Variants in CCDC187 observed in about 807,000 individuals in gnomAD.
The protein encoded by CCDC187 is coiled-coil domain-containing protein 187.
CCDC187 carries 32 observed loss-of-function variants against 38.0 expected under a neutral mutation model. That is an observed-to-expected ratio of 0.84 (90% CI 0.64 to 1.13). The LOEUF (loss-of-function observed/expected upper bound fraction) is 1.13. Ranked by LOEUF, CCDC187 falls within the 50% of genes most tolerant of loss-of-function variation. The probability of loss-of-function intolerance (pLI) is 0.00; values close to 1 mark genes in which losing one functional copy is unlikely to be tolerated. For missense variants in CCDC187, 707 were observed against 786.8 expected (o/e 0.90, Z 1.21); for synonymous variants, 333 against 347.9 (o/e 0.96, Z 0.48).
intron 14 of CCDC187, among the ~76,000 whole-genome samples, chr9:136,269,633 T>C (rs782689281): frequency 1.3e-4 from 20 of 151,394 alleles, no homozygotes; most frequent in Admixed American, 3.9e-4. Context: ...GGCAACAGAG[T>C]GAGACTGTCT....
intron 4 of CCDC187, among the ~76,000 whole-genome samples, chr9:136,292,875 G>A (rs1831369858): frequency 6.6e-6 from 1 of 152,212 alleles, no homozygotes; most frequent in South Asian, 2.1e-4. Context: ...GGAGTCCCGG[G>A]CATCGCTGCA....
chr9:136,289,652 C>T (rs1244842352), intron 7 of CCDC187, among the ~76,000 whole-genome samples: 15 of 152,134 alleles, frequency 9.9e-5, no homozygotes, highest in African/African-American at 1.2e-4. Flanking sequence ...TGGAATGTTC[C>T]GGAACTCAGT....
At chr9:136,271,507 C>T (rs782427064) in intron 14 of CCDC187, among the ~76,000 whole-genome samples, 3 of 151,248 alleles carry the variant, frequency 2.0e-5, no homozygotes, top group Admixed American at 6.6e-5. Flanking sequence ...GGCAACAGAG[C>T]GAGACTCTGT....
Position 136,267,429 on chromosome 9 carries a change from T to C in CCDC187, c.3602A>G (p.Gln1201Arg), listed in dbSNP as rs1464655542. The C allele has an allele frequency of 3.0e-6, 3 of 985,394 alleles. No individual in the cohort carries two copies. Among genetic ancestry groups the C allele is most frequent in the Non-Finnish European group, 3.6e-6 (3 of 829,984 alleles). 61.0% of individuals were successfully genotyped at this position (985,394 alleles called of 1,614,324 possible). A position where few individuals can be genotyped will look rare whatever the true frequency, so the allele number is the denominator to read the frequency against. The change falls in exon 16 of 26, where the codon CAG becomes CGG. Residue 1201 changes from glutamine (Q) to arginine (R), a missense_variant. By Grantham distance (43) the Gln-to-Arg change is conservative (BLOSUM62 1). Coordinates refer to ENST00000638797, the MANE Select transcript of CCDC187 (RefSeq NM_001378188.1). ...GGCCAGCTCCGCGAGCGTTTTCTCC[T>C]GGAGCGCCATCTCTCGCAGGCGCAG... ...ALLRLREMAL[Q>R]EKTLAELAWL...
intron 17 of CCDC187, 117 bp from the exon 18 acceptor site, chr9:136,263,915 C>T (rs1009873959): frequency 4.1e-6 from 3 of 735,182 alleles, no homozygotes; most frequent in South Asian, 1.2e-4. Flanking sequence ...GGAGGCCTCC[C>T]TTTCCCTCCA....
At position 136,260,668 on chromosome 9, in the gene CCDC187, C is replaced by T. The variant is rs535417165; in HGVS notation, c.4065-404G>A. ...CTCAGGTGCCTGCCCGGCGACACGT[C>T]GTCTGCCTCCCTTTCTCCCCCGGGC... On this transcript the variant is annotated intron_variant, in intron 19 of 25. Coordinates refer to ENST00000638797, the MANE Select transcript of CCDC187 (RefSeq NM_001378188.1). Among the ~76,000 whole-genome samples, 77 of 152,244 alleles carry T rather than the reference C, an allele frequency of 5.1e-4. 1 individual carries two copies. In the South Asian group the frequency reaches 0.015, roughly 30 times the overall value.
At chr9:136,262,550 TGTGGCA>T in intron 18 of CCDC187, 88 bp from the exon 19 acceptor site, 1 of 974,372 alleles carries the variant, frequency 1.0e-6, no homozygotes, top group Middle Eastern at 5.2e-4. Flanking sequence ...TGGCTGTGGC[TGTGGCA>T]GGGCTAGGGC....
intron 10 of CCDC187, among the ~76,000 whole-genome samples, chr9:136,277,538 T>G (rs1428741216): frequency 4.6e-5 from 7 of 151,166 alleles, no homozygotes; most frequent in Admixed American, 2.0e-4. Context: ...GGGTGGGTGC[T>G]GATGTAAGCA....
Position 136,302,865 on chromosome 9 carries a change from AG to A in CCDC187, c.571del (p.Arg192GlyfsTer22). 1 of 398,612 alleles carries A rather than the reference AG, an allele frequency of 2.5e-6. No individual in the cohort carries two copies. Among genetic ancestry groups the A allele is most frequent in the Non-Finnish European group, 4.4e-6 (1 of 226,130 alleles). The allele number at this position is 398,612 out of a possible 1,614,324, so 24.7% of individuals were successfully genotyped here. On this transcript the variant is annotated frameshift_variant, in exon 2 of 26. Transcript: ENST00000638797. LOFTEE classifies it high-confidence loss of function. ...TTTTGCCTCTTGGCCTTTCCTCCTA[AG>A]CATCAGCGTGGAGGCTTTGTGGAGT... ...SRLHKASTLM[L>X]RRKGQEAKNP...
Position 136,255,734 on chromosome 9 carries a change from C to T in CCDC187, c.4617-1G>A. On this transcript the variant is annotated splice_acceptor_variant, in intron 24 of 25. Transcript: ENST00000638797. LOFTEE classifies it high-confidence loss of function. ...GACCTCCTGCTGACAGGCCTCCGTC[C>T]TGCAAGCACATTCGTGGAGAACCCT... The T allele has an allele frequency of 1.0e-6, 1 of 985,482 alleles. No homozygotes were observed. Among genetic ancestry groups the T allele is most frequent in the Non-Finnish European group, 1.2e-6 (1 of 829,926 alleles). The allele number at this position is 985,482 out of a possible 1,614,324, so 61.0% of individuals were successfully genotyped here. A position where few individuals can be genotyped will look rare whatever the true frequency, so the allele number is the denominator to read the frequency against.
chr9:136,292,430 C>G lies in CCDC187; in HGVS notation c.833-135G>C, dbSNP rs1588669851. 18 of 396,296 alleles carry G rather than the reference C, an allele frequency of 4.5e-5. No homozygotes were observed. In the East Asian group the frequency reaches 6.4e-4, roughly 14 times the overall value. The allele number at this position is 396,296 out of a possible 1,614,324, so 24.5% of individuals were successfully genotyped here. On this transcript the variant is annotated intron_variant, in intron 4 of 25. Coordinates refer to ENST00000638797, the MANE Select transcript of CCDC187 (RefSeq NM_001378188.1). ...CCCAGAAGGCACCGGGAGGATATCC[C>G]TCATGTCCAGGCCCCTGTTGGGCAG...
intron 14 of CCDC187, among the ~76,000 whole-genome samples, chr9:136,274,235 G>A (rs933926569): frequency 1.3e-5 from 2 of 152,208 alleles, no homozygotes; most frequent in Non-Finnish European, 2.9e-5. Flanking sequence ...CCTCTGTCCC[G>A]GAGCAAGGCC....
intron 10 of CCDC187, among the ~76,000 whole-genome samples, chr9:136,280,596 G>A (rs1255300111): frequency 6.6e-6 from 1 of 151,926 alleles, no homozygotes; most frequent in Non-Finnish European, 1.5e-5. Context: ...TGGCTCCAGG[G>A]CCCTGGGTGG....
intron 10 of CCDC187, among the ~76,000 whole-genome samples, chr9:136,278,217 GA>G (rs1364791321): frequency 5.3e-5 from 8 of 152,256 alleles, no homozygotes; most frequent in Non-Finnish European, 1.0e-4. Context: ...TGAAGCCAGA[GA>G]AGGGTCCCCA....
intron 18 of CCDC187, 96 bp downstream of exon 18, chr9:136,263,526 G>A (rs940035197): frequency 9.9e-6 from 9 of 907,900 alleles, no homozygotes; most frequent in African/African-American, 3.6e-5. Context: ...GAGACACCGC[G>A]CCCGGCCCAC....
In CCDC187 at chr9:136,290,565, A is replaced by G; in HGVS notation, c.2048T>C (p.Val683Ala). 1 of 398,998 alleles carries G rather than the reference A, an allele frequency of 2.5e-6. No homozygotes were observed. Among genetic ancestry groups the G allele is most frequent in the East Asian group, 3.6e-5 (1 of 28,080 alleles). 24.7% of individuals were successfully genotyped at this position (398,998 alleles called of 1,614,324 possible). ...QEVYRQQREA[V>A]LGRAVPVVSR... ...GACCACGGGGACCGCCCTGCCGAGG[A>G]CGGCCTCCCTCTGCTGCCGGTAGAC... is the stretch of plus-strand genomic sequence containing the variant. The change falls in exon 6 of 26, where the codon GTC (valine) becomes GCC (alanine). Residue 683 changes from valine (V) to alanine (A), a missense_variant. By Grantham distance (64) the Val-to-Ala change is moderately conservative. Coordinates refer to ENST00000638797, the MANE Select transcript of CCDC187 (RefSeq NM_001378188.1).
At chr9:136,260,082 C>T (rs997168763) in intron 20 of CCDC187, 37 bp downstream of exon 20, 15 of 985,212 alleles carry the variant, frequency 1.5e-5, no homozygotes, top group African/African-American at 1.7e-5. Flanking sequence ...AATGAGCATC[C>T]GTCTGACCCT....
intron 18 of CCDC187, among the ~76,000 whole-genome samples, chr9:136,263,401 A>G (rs1187344053): frequency 1.3e-5 from 2 of 151,786 alleles, no homozygotes; most frequent in African/African-American, 4.8e-5. Context: ...TGCCTGGATA[A>G]TTTTTTGTAT....
intron 4 of CCDC187, among the ~76,000 whole-genome samples, chr9:136,293,407 ACTCACATGCTCACATACT>A (rs1358551027): frequency 5.1e-5 from 5 of 97,778 alleles, no homozygotes; most frequent in East Asian, 3.9e-4. Flanking sequence ...ACTCACAAAC[ACTCACATGCTCACATACT>A]CTCACATGCT....
Sources: allele counts gnomAD v4.1 joint callset (sites outside exome capture counted in the v4.1 genomes callset), GRCh38; gene constraint gnomAD v4.1.1; transcripts MANE v1.5; gene names NCBI Gene and HGNC (gene_info 2026-07-23, HGNC 2026-07-21).